Variants in PCDH15 observed in about 807,000 individuals in gnomAD.
PCDH15 encodes the protein protocadherin-15.
In PCDH15, 129 loss-of-function variants were observed where a neutral mutation model predicts 178.5. The ratio of observed to expected loss-of-function variants is 0.72; its 90% CI spans 0.63 to 0.84. The LOEUF (loss-of-function observed/expected upper bound fraction) is 0.84, where lower values mean the gene tolerates loss of function less well. PCDH15 is among the 40% of genes least tolerant of loss of function. PCDH15 has a pLI of 0.00. For missense variants in PCDH15, 2,230 were observed against 2,099.9 expected, an observed-to-expected ratio of 1.06 and a Z score of -1.21; for synonymous variants, 800 against 732.0, an observed-to-expected ratio of 1.09 and a Z score of -1.50.
intron 3 of PCDH15, among the ~76,000 whole-genome samples, chr10:54,513,358 T>G (rs897391255): frequency 6.6e-6 from 1 of 151,832 alleles, no homozygotes; most frequent in African/African-American, 2.4e-5. Flanking sequence ...CCTCCTGGGT[T>G]TAAGTGATTC....
chr10:54,113,639 G>GAC lies in PCDH15; in HGVS notation c.1917+19234_1917+19235dup, dbSNP rs57193886. Reference sequence around the variant, plus strand: ...CTCTACCGGTCCTTCTCCCAACACAGACACACACACACACACACACGCACA... The same window carrying GAC: ...CTCTACCGGTCCTTCTCCCAACACAGACACACACACACACACACACACGCACA... On this transcript the variant is annotated intron_variant, in intron 15 of 37. Transcript: ENST00000644397. Among the ~76,000 whole-genome samples, 173 of 149,832 alleles carry GAC rather than the reference G, an allele frequency of 1.2e-3. 4 individuals carry two copies. The highest frequency in any genetic ancestry group is 7.8e-3 in the East Asian group (40 of 5,128).
intron 7 of PCDH15, among the ~76,000 whole-genome samples, chr10:54,322,851 C>A (rs1158079704): frequency 6.6e-6 from 1 of 151,466 alleles, no homozygotes; most frequent in African/African-American, 2.4e-5. Flanking sequence ...GCAACAAAAA[C>A]AAAAACTGAC....
chr10:55,267,481 A>G (rs1449930726), intron 1 of PCDH15, among the ~76,000 whole-genome samples: 3 of 152,224 alleles, frequency 2.0e-5, no homozygotes, highest in African/African-American at 7.2e-5. Context: ...CTAGGATTAT[A>G]AAAACCAATT....
At chr10:55,542,638 C>T (rs1475569985) in intron 2 of PCDH15, among the ~76,000 whole-genome samples, 1 of 136,950 alleles carries the variant, frequency 7.3e-6, no homozygotes, top group African/African-American at 2.7e-5. Flanking sequence ...TACATACAGA[C>T]ATATGTATGT....
At chr10:55,471,303 A>G (rs1298469428) in intron 2 of PCDH15, among the ~76,000 whole-genome samples, 2 of 152,194 alleles carry the variant, frequency 1.3e-5, no homozygotes, top group Non-Finnish European at 2.9e-5. Flanking sequence ...GGGCTTATTA[A>G]ATAGCCTTTA....
intron 2 of PCDH15, among the ~76,000 whole-genome samples, chr10:55,558,913 A>G (rs1355207287): frequency 6.6e-6 from 1 of 152,112 alleles, no homozygotes; most frequent in Non-Finnish European, 1.5e-5. Context: ...ACGTGAAAAA[A>G]TATTATTGGT....
intron 3 of PCDH15, among the ~76,000 whole-genome samples, chr10:54,858,075 A>T (rs987722970): frequency 6.6e-6 from 1 of 152,152 alleles, no homozygotes; most frequent in African/African-American, 2.4e-5. Context: ...ATACCTTCTG[A>T]CTAGCATCTC....
intron 8 of PCDH15, among the ~76,000 whole-genome samples, chr10:54,275,306 A>G (rs1365360339): frequency 1.3e-5 from 2 of 151,850 alleles, no homozygotes. Context: ...TAACTCATTT[A>G]ATTTTCCCAG....
Position 54,095,592 on chromosome 10 carries a change from A to G in PCDH15, c.1918-5529T>C, listed in dbSNP as rs548682672. On this transcript the variant is annotated intron_variant, in intron 15 of 37. Coordinates refer to ENST00000644397, the MANE Select transcript of PCDH15 (RefSeq NM_001384140.1). ...TCTTTTTCTTACAATATTGGTATGG[A>G]TTAATGATCTTTTGCCCAGGAAGCA... is the stretch of plus-strand genomic sequence containing the variant. 7.9e-5 allele frequency among the ~76,000 whole-genome samples: 12 copies of G among 152,250 alleles called. No homozygotes were observed. In the East Asian group the frequency reaches 2.1e-3, roughly 27 times the overall value.
chr10:54,213,525 C>T (rs2051671145), intron 10 of PCDH15, among the ~76,000 whole-genome samples: 1 of 151,920 alleles, frequency 6.6e-6, no homozygotes, highest in South Asian at 2.1e-4. Context: ...CATTAGAATA[C>T]AATTAAGTAA....
intron 1 of PCDH15, among the ~76,000 whole-genome samples, chr10:55,302,815 T>C (rs1206394932): frequency 6.6e-6 from 1 of 152,112 alleles, no homozygotes; most frequent in Non-Finnish European, 1.5e-5. Flanking sequence ...CACACATTTC[T>C]TTAATCCATA....
At chr10:53,824,648 T>G (rs1206733794) in intron 32 of PCDH15, among the ~76,000 whole-genome samples, 1 of 152,116 alleles carries the variant, frequency 6.6e-6, no homozygotes, top group Non-Finnish European at 1.5e-5. Flanking sequence ...ACACTTTTAC[T>G]CTTCGAATCT....
chr10:54,211,260 T>C (rs11004139), intron 10 of PCDH15, among the ~76,000 whole-genome samples: 13,067 of 152,162 alleles, frequency 0.086, 830 homozygotes, highest in African/African-American at 0.17. Flanking sequence ...AACAGAGGTA[T>C]TATGAATAAT....
rs1361940617 is a variant in PCDH15 at position 54,249,329 on chromosome 10, T to A, written c.877-12398A>T. 2.0e-5 allele frequency among the ~76,000 whole-genome samples: 3 copies of A among 152,278 alleles called. No individual in the cohort carries two copies. In the East Asian group the frequency reaches 5.8e-4, roughly 29 times the overall value. ...ATGTCATAATTTATAAAATGATATATTTCCTCTTCAGTAGTGTGTAAAAAA... is the reference window on the plus strand; with the variant it reads ...ATGTCATAATTTATAAAATGATATAATTCCTCTTCAGTAGTGTGTAAAAAA... On this transcript the variant is annotated intron_variant, in intron 8 of 37. Coordinates refer to ENST00000644397, the MANE Select transcript of PCDH15 (RefSeq NM_001384140.1).
At chr10:54,292,099 A>T (rs1459173615) in intron 8 of PCDH15, among the ~76,000 whole-genome samples, 1 of 152,230 alleles carries the variant, frequency 6.6e-6, no homozygotes, top group Non-Finnish European at 1.5e-5. Context: ...CAAATCCAGC[A>T]GCACAAGAAA....
chr10:54,229,574 T>C (rs1181049107), intron 9 of PCDH15, among the ~76,000 whole-genome samples: 1 of 152,060 alleles, frequency 6.6e-6, no homozygotes, highest in Non-Finnish European at 1.5e-5. Context: ...TGAAGGCGGG[T>C]CTTTCCTGTA....
intron 21 of PCDH15, among the ~76,000 whole-genome samples, chr10:53,993,472 A>AT (rs1390598456): frequency 1.3e-5 from 2 of 152,162 alleles, no homozygotes; most frequent in Non-Finnish European, 2.9e-5. Context: ...GTGTTAAGAT[A>AT]GATACTTACA....
At chr10:54,883,510 A>G (rs1338553004) in intron 3 of PCDH15, among the ~76,000 whole-genome samples, 1 of 151,980 alleles carries the variant, frequency 6.6e-6, no homozygotes, top group Non-Finnish European at 1.5e-5. Flanking sequence ...AATATCTCCA[A>G]TTCAAGCTTT....
At chr10:55,238,451 C>T (rs553352868) in intron 1 of PCDH15, among the ~76,000 whole-genome samples, 67 of 152,080 alleles carry the variant, frequency 4.4e-4, no homozygotes, top group African/African-American at 1.5e-3. Context: ...CGCCCGGCCG[C>T]ATTCATATTT....
Sources: allele counts gnomAD v4.1 joint callset (sites outside exome capture counted in the v4.1 genomes callset), GRCh38; gene constraint gnomAD v4.1.1; transcripts MANE v1.5; gene names NCBI Gene and HGNC (gene_info 2026-07-23, HGNC 2026-07-21).